Variants in CEP162 observed in about 807,000 individuals in gnomAD.
The protein encoded by CEP162 is centrosomal protein of 162 kDa.
In CEP162, 141 loss-of-function variants were observed where a neutral mutation model predicts 169.2. That is an observed-to-expected ratio of 0.83 (90% CI 0.73 to 0.96). The LOEUF is 0.96. Among genes scored for constraint, CEP162 ranks in the 40% least tolerant of loss-of-function variants. The probability of loss-of-function intolerance (pLI) is 0.00; values close to 1 mark genes in which losing one functional copy is unlikely to be tolerated. For synonymous variants in CEP162, 540 were observed against 526.4 expected (o/e 1.03, Z -0.35); for missense variants, 1,600 against 1,587.2 (o/e 1.01, Z -0.14).
chr6:84,161,032 G>A, intron 20 of CEP162, 116 bp from the exon 21 acceptor site: 2 of 722,030 alleles, frequency 2.8e-6, no homozygotes, highest in African/African-American at 1.8e-5. Flanking sequence ...GCAAAATTTG[G>A]GGAATTAATT....
chr6:84,138,464 G>A (rs1323142373), intron 25 of CEP162, among the ~76,000 whole-genome samples: 2 of 152,124 alleles, frequency 1.3e-5, no homozygotes, highest in Non-Finnish European at 2.9e-5. Flanking sequence ...TACACAGGAC[G>A]TCAGGAGAGT....
chr6:84,164,851 T>G (rs1038319531), intron 18 of CEP162, among the ~76,000 whole-genome samples: 10 of 151,934 alleles, frequency 6.6e-5, no homozygotes, highest in African/African-American at 2.4e-4. Flanking sequence ...ATCCCAGAAC[T>G]TAAAGTAAAA....
intron 6 of CEP162, among the ~76,000 whole-genome samples, chr6:84,206,482 T>C (rs991958182): frequency 6.6e-6 from 1 of 152,244 alleles, no homozygotes; most frequent in Non-Finnish European, 1.5e-5. Flanking sequence ...GGATTCCTTA[T>C]TTAATAAATG....
At chr6:84,181,870 G>A (rs539065154) in intron 13 of CEP162, among the ~76,000 whole-genome samples, 20 of 152,092 alleles carry the variant, frequency 1.3e-4, no homozygotes, top group South Asian at 2.1e-4. Context: ...TATATTTCAC[G>A]GAAGGGAAGG....
At position 84,155,470 on chromosome 6, in the gene CEP162, T is replaced by G; in HGVS notation, c.2822A>C (p.Asn941Thr). 1 of 1,613,032 alleles carries G rather than the reference T, an allele frequency of 6.2e-7. No individual in the cohort carries two copies. Among genetic ancestry groups the G allele is most frequent in the South Asian group, 1.1e-5 (1 of 91,048 alleles). The change falls in exon 22 of 27, where the codon AAT (asparagine) becomes ACT (threonine). Residue 941 changes from asparagine (N) to threonine (T), a missense_variant. By Grantham distance (65) the Asn-to-Thr change is moderately conservative. Coordinates refer to ENST00000403245, the MANE Select transcript of CEP162 (RefSeq NM_014895.4). ...MEGILKRRYP[N>T]SLPALILAAS... Reference sequence around the variant, plus strand: ...AGCCAATATTAAAGCAGGTAAAGAATTGGGATATCTTCTCTTCAGAATCCC... The same window carrying G: ...AGCCAATATTAAAGCAGGTAAAGAAGTGGGATATCTTCTCTTCAGAATCCC...
At chr6:84,221,383 A>G (rs1415408968) in intron 2 of CEP162, among the ~76,000 whole-genome samples, 1 of 152,216 alleles carries the variant, frequency 6.6e-6, no homozygotes, top group Non-Finnish European at 1.5e-5. Flanking sequence ...CATCAATTTC[A>G]TAATTAAGTA....
chr6:84,221,298 A>C, intron 2 of CEP162, 127 bp from the exon 3 acceptor site: 11 of 500,444 alleles, frequency 2.2e-5, no homozygotes, highest in Non-Finnish European at 3.2e-5. Flanking sequence ...TAACATTCTC[A>C]TCAATAACGT....
chr6:84,182,318 A>T (rs2099535220), intron 13 of CEP162, among the ~76,000 whole-genome samples: 1 of 152,144 alleles, frequency 6.6e-6, no homozygotes, highest in Admixed American at 6.6e-5. Flanking sequence ...TATATTAAGA[A>T]TTTTTAATTC....
At chr6:84,209,619 C>T (rs2099548658) in intron 6 of CEP162, among the ~76,000 whole-genome samples, 1 of 152,176 alleles carries the variant, frequency 6.6e-6, no homozygotes, top group Admixed American at 6.5e-5. Flanking sequence ...AGGTGATCCA[C>T]CCGCCTTGGC....
chr6:84,215,281 C>A lies in CEP162; in HGVS notation c.503+1G>T. The A allele has an allele frequency of 6.6e-7, 1 of 1,523,420 alleles. No homozygotes were observed. Among genetic ancestry groups the A allele is most frequent in the Non-Finnish European group, 9.0e-7 (1 of 1,114,354 alleles). 94.4% of individuals were successfully genotyped at this position (1,523,420 alleles called of 1,614,324 possible). On this transcript the variant is annotated splice_donor_variant, in intron 5 of 26. Transcript: ENST00000403245. LOFTEE classifies it high-confidence loss of function. ...CATTAATAGTTTACACTGTACTTTACCTATGTAAAGCTTTAAAATGTGTAG... is the reference window on the plus strand; with the variant it reads ...CATTAATAGTTTACACTGTACTTTAACTATGTAAAGCTTTAAAATGTGTAG...
intron 11 of CEP162, among the ~76,000 whole-genome samples, chr6:84,187,901 T>C (rs1159859860): frequency 1.3e-5 from 2 of 152,164 alleles, no homozygotes; most frequent in Admixed American, 1.3e-4. Flanking sequence ...ATGAGCTGGT[T>C]TGTAAGCAGA....
chr6:84,142,565 A>C (rs148897989), intron 25 of CEP162, among the ~76,000 whole-genome samples: 4 of 152,274 alleles, frequency 2.6e-5, no homozygotes, highest in Admixed American at 6.5e-5. Flanking sequence ...ACTAACCCAA[A>C]TGGTTTTCAA....
chr6:84,156,236 C>T (rs146295479), intron 21 of CEP162, among the ~76,000 whole-genome samples: 317 of 152,128 alleles, frequency 2.1e-3, no homozygotes, highest in African/African-American at 7.5e-3. Flanking sequence ...ACTCAAGATG[C>T]TTTAAAGATC....
At chr6:84,175,091 G>A in intron 14 of CEP162, 123 bp downstream of exon 14, 2 of 863,252 alleles carry the variant, frequency 2.3e-6, no homozygotes, top group Non-Finnish European at 1.7e-6. Context: ...TTTAGTAAGA[G>A]TGATTACAGT....
rs1014073513 is a variant in CEP162, at chr6:84,215,942, C to T, written c.173-20G>A. 5.3e-6 allele frequency: 8 copies of T among 1,514,336 alleles called. No homozygotes were observed. In the African/African-American group the frequency reaches 9.9e-5, roughly 19 times the overall value. 93.8% of individuals were successfully genotyped at this position (1,514,336 alleles called of 1,614,324 possible). A position where few individuals can be genotyped will look rare whatever the true frequency, so the allele number is the denominator to read the frequency against. On this transcript the variant is annotated intron_variant, in intron 3 of 26. Transcript: ENST00000403245. ...GAAGTCCTAGGTACACAATTTAATACAGATGAAGATTTATGTTCAAAGAAT... is the reference window on the plus strand; with the variant it reads ...GAAGTCCTAGGTACACAATTTAATATAGATGAAGATTTATGTTCAAAGAAT...
At position 84,146,725 on chromosome 6, in the gene CEP162, CGA is replaced by C. The variant is rs1445470098; in HGVS notation, c.3830_3831del (p.Leu1277ArgfsTer4). 17 of 1,581,924 alleles carry C rather than the reference CGA, an allele frequency of 1.1e-5. No individual in the cohort carries two copies. Among genetic ancestry groups the C allele is most frequent in the East Asian group, 2.3e-5 (1 of 43,968 alleles). On this transcript the variant is annotated frameshift_variant, in exon 25 of 27. Coordinates refer to ENST00000403245, the MANE Select transcript of CEP162 (RefSeq NM_014895.4). LOFTEE classifies it high-confidence loss of function. ...VNELQSKQES[L>X]VVSEVREEIL... ...ATTTCTTCTCGAACTTCAGAAACTA[CGA>C]GAGACTCTTGTTTACTCTGCAGCTC...
chr6:84,176,107 A>G (rs1346689310), intron 13 of CEP162, among the ~76,000 whole-genome samples: 1 of 152,156 alleles, frequency 6.6e-6, no homozygotes, highest in African/African-American at 2.4e-5. Flanking sequence ...CCTGAGTTCA[A>G]TAAACAATAT....
At chr6:84,212,022 C>T (rs2099549696) in intron 6 of CEP162, among the ~76,000 whole-genome samples, 1 of 150,674 alleles carries the variant, frequency 6.6e-6, no homozygotes, top group Admixed American at 6.6e-5. Flanking sequence ...AGAATAAAAT[C>T]ATTAAACTGC....
Position 84,126,436 on chromosome 6 carries a change from T to C in CEP162, c.3947A>G (p.Glu1316Gly), listed in dbSNP as rs368334508. ...TPEMKHFVGL[E>G]KKIKQMEMRH... ...CATTTCCATCTGCTTAATTTTCTTTTCTAAGCCCACGAAATGTTTCATCTC... is the reference window on the plus strand; with the variant it reads ...CATTTCCATCTGCTTAATTTTCTTTCCTAAGCCCACGAAATGTTTCATCTC... Residue 1316 changes from glutamate to glycine, a missense_variant, in exon 26 of 27, where the codon GAA (glutamate) becomes GGA (glycine). Physicochemically the swap from Glu to Gly is moderately conservative, Grantham distance 98. Transcript: ENST00000403245. 7 of 1,599,466 alleles carry C rather than the reference T, an allele frequency of 4.4e-6. No individual in the cohort carries two copies. In the African/African-American group the frequency reaches 8.0e-5, roughly 18 times the overall value.
Sources: allele counts gnomAD v4.1 joint callset (sites outside exome capture counted in the v4.1 genomes callset), GRCh38; gene constraint gnomAD v4.1.1; transcripts MANE v1.5; gene names NCBI Gene and HGNC (gene_info 2026-07-23, HGNC 2026-07-21).